Variants in PRR33 observed in about 807,000 individuals in gnomAD.
PRR33 encodes the protein proline-rich protein 33.
A neutral mutation model predicts 0.5 loss-of-function variants in PRR33; 1 was observed. That is an observed-to-expected ratio of 2.18 (90% CI 0.77 to 10.34). PRR33 has a LOEUF of 10.34. Ranked by LOEUF, PRR33 falls within the 30% of genes most tolerant of loss-of-function variation. PRR33 has a pLI of 0.13. For missense variants in PRR33, 552 were observed against 251.8 expected (o/e 2.19, Z -8.07); for synonymous variants, 226 against 110.0 (o/e 2.06, Z -6.60).
At chr11:1,916,794 C>T in the PRR33 span, among the ~76,000 whole-genome samples, 1 of 152,214 alleles carries the variant, frequency 6.6e-6, no homozygotes, top group Non-Finnish European at 1.5e-5. Flanking sequence ...GTTTCTGATG[C>T]AGCCTCCCGT....
At chr11:1,913,441 C>T in the PRR33 span, among the ~76,000 whole-genome samples, 1 of 152,168 alleles carries the variant, frequency 6.6e-6, no homozygotes, top group African/African-American at 2.4e-5. Flanking sequence ...CCACCGCGCC[C>T]GGCCCCCGCT....
At chr11:1,902,122 C>G in the PRR33 span, among the ~76,000 whole-genome samples, 9 of 151,822 alleles carry the variant, frequency 5.9e-5, no homozygotes, top group African/African-American at 1.9e-4. Context: ...GTCCCAGCTA[C>G]TCGGGAGGCT....
At chr11:1,898,039 G>A in the PRR33 span, among the ~76,000 whole-genome samples, 4,535 of 152,134 alleles carry the variant, frequency 0.03, 81 homozygotes, top group African/African-American at 0.037. Context: ...CCCTACAACC[G>A]AACCTTTCTA....
chr11:1,894,631 C>A (rs980854680), upstream of PRR33, among the ~76,000 whole-genome samples: 3 of 152,124 alleles, frequency 2.0e-5, no homozygotes, highest in Non-Finnish European at 4.4e-5. Flanking sequence ...ATTCTGAGAT[C>A]CATGCTTGCT....
the PRR33 span, among the ~76,000 whole-genome samples, chr11:1,906,437 C>G: frequency 6.6e-6 from 1 of 152,108 alleles, no homozygotes; most frequent in East Asian, 1.9e-4. Flanking sequence ...ATGGGTCACC[C>G]TTTCCTGCTT....
the PRR33 span, among the ~76,000 whole-genome samples, chr11:1,901,620 C>G: frequency 3.3e-5 from 5 of 152,090 alleles, no homozygotes; most frequent in Non-Finnish European, 7.4e-5. Context: ...AAAGATAACT[C>G]TTAGGTGAAA....
At chr11:1,897,150 G>A in the PRR33 span, among the ~76,000 whole-genome samples, 677 of 152,334 alleles carry the variant, frequency 4.4e-3, 5 homozygotes, top group African/African-American at 0.015. The surrounding 1 kb of genome is among the most constrained non-coding windows in gnomAD (Gnocchi z 4.0). Context: ...AACCTGGTGA[G>A]TGGCACAAGG....
the PRR33 span, among the ~76,000 whole-genome samples, chr11:1,906,871 TTC>T: frequency 6.6e-6 from 1 of 152,206 alleles, no homozygotes; most frequent in Non-Finnish European, 1.5e-5. Context: ...GGGTCTCAGC[TTC>T]TCTCTCTGGG....
At chr11:1,894,320 A>G (rs1420778630), upstream of PRR33, among the ~76,000 whole-genome samples, 1 of 151,530 alleles carries the variant, frequency 6.6e-6, no homozygotes, top group Non-Finnish European at 1.5e-5. Context: ...TGCAGCCTCA[A>G]CCTCCTGGGC....
chr11:1,910,893 C>A, the PRR33 span, among the ~76,000 whole-genome samples: 1 of 152,190 alleles, frequency 6.6e-6, no homozygotes, highest in African/African-American at 2.4e-5. Context: ...CACCTCCTCT[C>A]GCCCATTTTT....
chr11:1,916,690 C>A, the PRR33 span, among the ~76,000 whole-genome samples: 1 of 152,140 alleles, frequency 6.6e-6, no homozygotes, highest in African/African-American at 2.4e-5. Flanking sequence ...CAGCCCTGGC[C>A]CCTTGTCAGA....
At chr11:1,893,636 A>ATGAG, upstream of PRR33, among the ~76,000 whole-genome samples, 1 of 147,720 alleles carries the variant, frequency 6.8e-6, no homozygotes, top group South Asian at 2.2e-4. Context: ...GGATGGATGG[A>ATGAG]TGGAAGGAGC....
the PRR33 span, among the ~76,000 whole-genome samples, chr11:1,903,806 T>C: frequency 2.6e-5 from 4 of 152,144 alleles, no homozygotes; most frequent in African/African-American, 9.7e-5. Flanking sequence ...CCTGCCTTAG[T>C]GTGCAAGAAA....
the PRR33 span, among the ~76,000 whole-genome samples, chr11:1,910,396 C>T: frequency 2.6e-4 from 40 of 152,172 alleles, no homozygotes; most frequent in African/African-American, 8.7e-4. Flanking sequence ...ATTACAGGCA[C>T]CCGCCACCAC....
chr11:1,898,462 C>G, the PRR33 span, among the ~76,000 whole-genome samples: 2 of 152,062 alleles, frequency 1.3e-5, no homozygotes, highest in African/African-American at 4.8e-5. Flanking sequence ...GTCTTGATCT[C>G]TTGACGTTGT....
chr11:1,911,815 G>A, the PRR33 span, among the ~76,000 whole-genome samples: 5 of 151,992 alleles, frequency 3.3e-5, no homozygotes, highest in African/African-American at 7.2e-5. Flanking sequence ...TTTATGTGTT[G>A]TGAATCACTA....
At chr11:1,911,109 T>A in the PRR33 span, among the ~76,000 whole-genome samples, 1 of 152,218 alleles carries the variant, frequency 6.6e-6, no homozygotes, top group Non-Finnish European at 1.5e-5. Context: ...ACCAATCTCT[T>A]TATTCTCTGG....
At chr11:1,907,562 C>T in the PRR33 span, among the ~76,000 whole-genome samples, 449 of 152,284 alleles carry the variant, frequency 2.9e-3, 4 homozygotes, top group African/African-American at 0.01. Flanking sequence ...CAGACTCCCG[C>T]CACCATGCCC....
At chr11:1,901,677 C>A in the PRR33 span, among the ~76,000 whole-genome samples, 1 of 152,146 alleles carries the variant, frequency 6.6e-6, no homozygotes, top group Non-Finnish European at 1.5e-5. Flanking sequence ...CTGAGACTTT[C>A]AGCTTAAATA....
Sources: allele counts gnomAD v4.1 joint callset (sites outside exome capture counted in the v4.1 genomes callset), GRCh38; gene constraint gnomAD v4.1.1; non-coding constraint Gnocchi (gnomAD v3.1); transcripts MANE v1.5; gene names NCBI Gene and HGNC (gene_info 2026-07-23, HGNC 2026-07-21).